The following STIMATE variants were observed in gnomAD, a reference collection of about 807,000 sequenced individuals.
The protein encoded by STIMATE is STIM activating enhancer.
Under a neutral mutation model 36.7 loss-of-function variants are expected in STIMATE, and 15 were observed. That is an observed-to-expected ratio of 0.41 (90% CI 0.27 to 0.63). The LOEUF is 0.63. STIMATE is among the 20% of genes least tolerant of loss of function. The pLI is 0.32. For missense variants in STIMATE, 305 were observed against 397.3 expected (o/e 0.77, Z 1.98); for synonymous variants, 163 against 162.3 (o/e 1.00, Z -0.03).
chr3:52,859,935 T>C (rs1299114003), intron 1 of STIMATE, among the ~76,000 whole-genome samples: 1 of 151,902 alleles, frequency 6.6e-6, no homozygotes, highest in Non-Finnish European at 1.5e-5. Context: ...TAGGAGCACC[T>C]TTGATCAAGT....
intron 7 of STIMATE, among the ~76,000 whole-genome samples, 190 bp downstream of exon 7, chr3:52,842,621 G>A (rs1700816547): frequency 6.6e-6 from 1 of 152,226 alleles, no homozygotes; most frequent in Admixed American, 6.5e-5. Flanking sequence ...CCAAGGGACA[G>A]TGGGAATGGG....
At chr3:52,895,413 C>A (rs987297466) in intron 1 of STIMATE, among the ~76,000 whole-genome samples, 1 of 152,142 alleles carries the variant, frequency 6.6e-6, no homozygotes, top group African/African-American at 2.4e-5. Flanking sequence ...CAGCTCTTCT[C>A]CCCATCACTC....
intron 1 of STIMATE, among the ~76,000 whole-genome samples, chr3:52,893,417 G>C (rs942662068): frequency 2.0e-5 from 3 of 151,872 alleles, no homozygotes; most frequent in African/African-American, 7.2e-5. Flanking sequence ...GACAAAATGT[G>C]AACAACTGCT....
intron 1 of STIMATE, among the ~76,000 whole-genome samples, chr3:52,873,873 C>G (rs1281160308): frequency 6.6e-6 from 1 of 152,232 alleles, no homozygotes; most frequent in Non-Finnish European, 1.5e-5. Context: ...TCCTGCCATG[C>G]ATCACCACTA....
chr3:52,882,820 AGGGCT>A (rs1292784430), intron 1 of STIMATE, among the ~76,000 whole-genome samples: 4 of 152,170 alleles, frequency 2.6e-5, no homozygotes, highest in Non-Finnish European at 5.9e-5. Flanking sequence ...GGTATGAAGA[AGGGCT>A]TAGGACCTGG....
intron 1 of STIMATE, among the ~76,000 whole-genome samples, chr3:52,867,995 C>G (rs1701339701): frequency 6.6e-6 from 1 of 152,208 alleles, no homozygotes; most frequent in Non-Finnish European, 1.5e-5. Flanking sequence ...GTCTCCAGTG[C>G]TCCAAATGGC....
At chr3:52,840,703 T>G (rs1700782574) in intron 7 of STIMATE, 93 bp from the exon 8 acceptor site, 5 of 357,022 alleles carry the variant, frequency 1.4e-5, no homozygotes, top group East Asian at 1.1e-4. Context: ...GTCTCATGTT[T>G]TTTTTTTTTT....
At chr3:52,875,482 C>G (rs1230631189) in intron 1 of STIMATE, among the ~76,000 whole-genome samples, 1 of 152,314 alleles carries the variant, frequency 6.6e-6, no homozygotes, top group East Asian at 1.9e-4. Flanking sequence ...GGCCCCATCA[C>G]ACAGCAAATC....
In STIMATE at chr3:52,842,823, C is replaced by T; in HGVS notation, c.756G>A (p.Glu252=). ...AGGGAGGCCCTACCTCAGACTCAGA[C>T]TCCTCGTGGGATGCGGCCCTCCGGT... The part of the protein sequence containing the change: ...VRYRRAASHE[E]SESEILISAD... The change falls in exon 7 of 8, where the codon GAG becomes GAA. Residue 252 remains glutamate, a synonymous_variant. Transcript: ENST00000355083. 6.2e-7 allele frequency: 1 copy of T among 1,614,238 alleles called. No individual in the cohort carries two copies.
chr3:52,860,930 G>A (rs574483310), intron 1 of STIMATE, among the ~76,000 whole-genome samples: 50 of 152,270 alleles, frequency 3.3e-4, no homozygotes, highest in African/African-American at 1.0e-3. Context: ...CCTGTCCCAC[G>A]GAAACAGTTG....
chr3:52,888,342 T>C (rs560616671), intron 1 of STIMATE, among the ~76,000 whole-genome samples: 1 of 152,142 alleles, frequency 6.6e-6, no homozygotes, highest in Non-Finnish European at 1.5e-5. Context: ...CTCCCCGACA[T>C]AGTCCACTGC....
chr3:52,874,473 T>C (rs1445793835), intron 1 of STIMATE, among the ~76,000 whole-genome samples: 1 of 152,228 alleles, frequency 6.6e-6, no homozygotes, highest in Non-Finnish European at 1.5e-5. Flanking sequence ...CTCTAGAGGA[T>C]GGACTTACAG....
chr3:52,876,819 C>G (rs1701509426), intron 1 of STIMATE, among the ~76,000 whole-genome samples: 1 of 152,124 alleles, frequency 6.6e-6, no homozygotes, highest in Non-Finnish European at 1.5e-5. Context: ...AGGCTATTAG[C>G]AGTTAAGTTT....
In STIMATE at chr3:52,852,730, C is replaced by G. The variant is rs757084370; in HGVS notation, c.210-32G>C. The G allele has an allele frequency of 3.7e-6, 6 of 1,609,398 alleles. No individual in the cohort carries two copies. The South Asian group carries it at 6.7e-5, about 18-fold the overall frequency. On this transcript the variant is annotated intron_variant, in intron 2 of 7. Transcript: ENST00000355083. ...AAAATAAACCAGCACTGGTTATTAG[C>G]CTGACAGGAGCGCAATATCCAATTT...
chr3:52,854,904 AC>A (rs1701068053), intron 2 of STIMATE, among the ~76,000 whole-genome samples: 1 of 152,154 alleles, frequency 6.6e-6, no homozygotes, highest in South Asian at 2.1e-4. Context: ...GGGGAAGAAA[AC>A]CCTCATATAT....
chr3:52,877,514 C>A (rs1701520531), intron 1 of STIMATE, among the ~76,000 whole-genome samples: 1 of 152,208 alleles, frequency 6.6e-6, no homozygotes, highest in African/African-American at 2.4e-5. Flanking sequence ...AGGCCTAGGA[C>A]AGAGGAATTC....
chr3:52,881,476 G>A (rs867311361), intron 1 of STIMATE, among the ~76,000 whole-genome samples: 1 of 152,030 alleles, frequency 6.6e-6, no homozygotes, highest in Non-Finnish European at 1.5e-5. Flanking sequence ...AGGCCAAGGC[G>A]GGCGGATCAT....
At chr3:52,854,221 A>C (rs900331030) in intron 2 of STIMATE, among the ~76,000 whole-genome samples, 2 of 152,158 alleles carry the variant, frequency 1.3e-5, no homozygotes, top group Non-Finnish European at 2.9e-5. Context: ...CGAGCACCTA[A>C]ACCTCATGGA....
chr3:52,862,017 C>A (rs76532517), intron 1 of STIMATE, among the ~76,000 whole-genome samples: 3 of 152,182 alleles, frequency 2.0e-5, no homozygotes, highest in African/African-American at 7.2e-5. Context: ...CCAGCCTCTC[C>A]CTCCAGCCCT....
Sources: gnomAD v4.1 joint callset for allele counts (sites outside exome capture counted in the v4.1 genomes callset) on GRCh38, gnomAD v4.1.1 for gene constraint, MANE v1.5 for transcripts, NCBI Gene and HGNC (gene_info 2026-07-23, HGNC 2026-07-21) for gene names.